The following BANP variants were observed in gnomAD, a reference collection of about 807,000 sequenced individuals.
BANP encodes protein BANP.
A neutral mutation model predicts 68.1 loss-of-function variants in BANP; 11 were observed. The observed-to-expected ratio is 0.16, with a 90% CI of 0.10 to 0.27. BANP has a LOEUF of 0.27. Ranked by LOEUF, BANP falls within the 10% of genes least tolerant of loss-of-function variation. The pLI is 1.00. For missense variants in BANP, 504 were observed against 722.7 expected (o/e 0.70, Z 3.47); for synonymous variants, 329 against 303.2 (o/e 1.09, Z -0.88).
At chr16:88,058,505 C>G (rs2085755076) in intron 11 of BANP, among the ~76,000 whole-genome samples, 1 of 152,174 alleles carries the variant, frequency 6.6e-6, no homozygotes, top group Non-Finnish European at 1.5e-5. Flanking sequence ...ATCCACAGAC[C>G]AGAGCTTCGG....
At position 88,065,291 on chromosome 16, in the gene BANP, T is replaced by A; in HGVS notation, c.1336T>A (p.Cys446Ser). The A allele has an allele frequency of 1.3e-6, 1 of 768,386 alleles. No homozygotes were observed. The highest frequency in any genetic ancestry group is 2.4e-6 in the Non-Finnish European group (1 of 417,568). The allele number at this position is 768,386 out of a possible 1,614,324, so 47.6% of individuals were successfully genotyped here. The change falls in exon 12 of 14, where the codon TGC becomes AGC. Residue 446 changes from cysteine (C) to serine (S), a missense_variant. Around this residue, in one of 3 missense-constraint regions of BANP, gnomAD observed 223 missense variants for 246.2 expected, o/e 0.91. Coordinates refer to ENST00000682872, the MANE Select transcript of BANP (RefSeq NM_001386991.1). ...GCTTCTAGAGGCCACCCGCATCCCC[T>A]GCCTCCTGGCCCCATCCGTCTTCAA... ...GQLLEATRIP[C>S]LLAPSVFKAS...
At position 87,992,558 on chromosome 16, in the gene BANP, C is replaced by G. The variant is rs112253149; in HGVS notation, c.362+8299C>G. Among the ~76,000 whole-genome samples, 1,129 of 152,184 alleles carry G rather than the reference C, an allele frequency of 7.4e-3. 18 individuals carry two copies. The highest frequency in any genetic ancestry group is 0.026 in the African/African-American group (1,066 of 41,508). On this transcript the variant is annotated intron_variant, in intron 4 of 13. Transcript: ENST00000682872. ...CCTATAATCCCAGCACTTTGGGAGG[C>G]TGAGGAGGGTGGATCACCTGAAGTC...
In BANP at chr16:87,969,716, T is replaced by G. The variant is rs1363647129; in HGVS notation, c.-68-5332T>G. On this transcript the variant is annotated intron_variant, in intron 1 of 13. Coordinates refer to ENST00000682872, the MANE Select transcript of BANP (RefSeq NM_001386991.1). ...CCCGTCTAATTTTTTGTATCTTTAG[T>G]AGAGACGGGCTTTCACCATGTTGGC... 6.6e-5 allele frequency among the ~76,000 whole-genome samples: 10 copies of G among 151,894 alleles called. No homozygotes were observed. The South Asian group carries it at 1.5e-3, about 22-fold the overall frequency.
At chr16:87,992,411 T>C (rs2152500957) in intron 4 of BANP, among the ~76,000 whole-genome samples, 1 of 152,328 alleles carries the variant, frequency 6.6e-6, no homozygotes, top group South Asian at 2.1e-4. Context: ...TGAAAATGTT[T>C]CTGTGAGATT....
In BANP at chr16:88,003,065, G is replaced by T. The variant is rs1267886520; in HGVS notation, c.363-1230G>T. Among the ~76,000 whole-genome samples, 1 of 152,196 alleles carries T rather than the reference G, an allele frequency of 6.6e-6. No homozygotes were observed. The highest frequency in any genetic ancestry group is 2.1e-4 in the South Asian group (1 of 4,828). On this transcript the variant is annotated intron_variant, in intron 4 of 13. Transcript: ENST00000682872. This position sits in a 1 kb window ranked among gnomAD's most constrained non-coding sequence, Gnocchi z 6.1. ...CTCTCCAGTTCTACATCTCTGAGGA[G>T]CATAGGACTGTCACAGCCTGTAGGT...
intron 11 of BANP, among the ~76,000 whole-genome samples, chr16:88,040,235 G>A (rs72818533): frequency 0.19 from 28,244 of 149,370 alleles, 3,283 homozygotes; most frequent in South Asian, 0.29. Context: ...GAACCCCCTC[G>A]TTTTCCATTT....
chr16:87,961,835 C>T (rs1022251938), intron 1 of BANP, among the ~76,000 whole-genome samples: 8 of 152,186 alleles, frequency 5.3e-5, no homozygotes, highest in East Asian at 3.9e-4. Flanking sequence ...CATGACAGGG[C>T]GTCTGTTATA....
intron 11 of BANP, among the ~76,000 whole-genome samples, chr16:88,049,822 C>T (rs559116191): frequency 2.0e-5 from 3 of 152,308 alleles, no homozygotes; most frequent in Non-Finnish European, 4.4e-5. Context: ...ACACGGCATC[C>T]GACGAACACC....
chr16:88,034,609 C>CTGCT (rs143439910), intron 9 of BANP, among the ~76,000 whole-genome samples: 150,479 of 152,238 alleles, frequency 0.99, 74,385 homozygotes, highest in South Asian at 1. Flanking sequence ...CAGCCACACA[C>CTGCT]TGCGTAGCCT....
intron 9 of BANP, among the ~76,000 whole-genome samples, chr16:88,033,774 G>C (rs1349731095): frequency 6.6e-6 from 1 of 152,210 alleles, no homozygotes; most frequent in Non-Finnish European, 1.5e-5. Context: ...TGCCCGTGCG[G>C]AGTTCTCTAT....
chr16:88,065,446 C>T, intron 12 of BANP, 114 bp downstream of exon 12: 1 of 622,576 alleles, frequency 1.6e-6, no homozygotes, highest in Non-Finnish European at 2.9e-6. Flanking sequence ...GTCATCTCAC[C>T]ACGTGAGGGT....
intron 5 of BANP, among the ~76,000 whole-genome samples, chr16:88,005,184 G>T (rs1598356695): frequency 1.3e-5 from 2 of 152,174 alleles, no homozygotes; most frequent in South Asian, 2.1e-4. Context: ...AGAGGAGTTG[G>T]TGATGGGCGG....
chr16:87,991,387 T>C (rs1033415479), intron 4 of BANP, among the ~76,000 whole-genome samples: 5 of 152,266 alleles, frequency 3.3e-5, no homozygotes, highest in Non-Finnish European at 5.9e-5. Flanking sequence ...AATGTTGTAA[T>C]GATTATGCAC....
At chr16:88,032,514 C>G (rs936175650) in intron 8 of BANP, among the ~76,000 whole-genome samples, 1 of 152,120 alleles carries the variant, frequency 6.6e-6, no homozygotes, top group African/African-American at 2.4e-5. Context: ...CATTTTTATG[C>G]TTAAAAGCTT....
At chr16:87,966,366 G>C (rs1013584452) in intron 1 of BANP, among the ~76,000 whole-genome samples, 2 of 152,226 alleles carry the variant, frequency 1.3e-5, no homozygotes, top group Non-Finnish European at 2.9e-5. Flanking sequence ...TCTCAGTCCA[G>C]CTGTTTTATT....
At position 88,064,303 on chromosome 16, in the gene BANP, G is replaced by C. The variant is rs906471426; in HGVS notation, c.1312-964G>C. ...TGGCAGCGCTCCCAGCACCCTGTGCGTCCCTTGCACCCTTGCCCTGTGGTC... is the reference window on the plus strand; with the variant it reads ...TGGCAGCGCTCCCAGCACCCTGTGCCTCCCTTGCACCCTTGCCCTGTGGTC... On this transcript the variant is annotated intron_variant, in intron 11 of 13. Transcript: ENST00000682872. This position sits in a 1 kb window ranked among gnomAD's most constrained non-coding sequence, Gnocchi z 4.5. Among the ~76,000 whole-genome samples the C allele has an allele frequency of 1.3e-5, 2 of 152,226 alleles. No homozygotes were observed. The highest frequency in any genetic ancestry group is 1.3e-4 in the Admixed American group (2 of 15,286).
At chr16:87,962,014 T>C (rs1488280029) in intron 1 of BANP, among the ~76,000 whole-genome samples, 1 of 151,884 alleles carries the variant, frequency 6.6e-6, no homozygotes, top group Non-Finnish European at 1.5e-5. Flanking sequence ...ATGAGGTGGG[T>C]GGATTACCTG....
In BANP at chr16:88,076,893, A is replaced by AG; in HGVS notation, c.*236dup. ...GTCCTGCTGTTGGTGTCGGAGCACGAGGGGAGGCACGGTGCGGAGAGCGTC... is the reference window on the plus strand; with the variant it reads ...GTCCTGCTGTTGGTGTCGGAGCACGAGGGGGAGGCACGGTGCGGAGAGCGTC... On this transcript the variant is annotated 3_prime_UTR_variant, in exon 14 of 14. Coordinates refer to ENST00000682872, the MANE Select transcript of BANP (RefSeq NM_001386991.1). 1.9e-6 allele frequency: 1 copy of AG among 536,690 alleles called. No homozygotes were observed. The highest frequency in any genetic ancestry group is 1.9e-5 in the African/African-American group (1 of 52,044). The allele number at this position is 536,690 out of a possible 1,614,324, so 33.2% of individuals were successfully genotyped here.
At chr16:88,014,600 C>G (rs946456188) in intron 6 of BANP, among the ~76,000 whole-genome samples, 3 of 152,092 alleles carry the variant, frequency 2.0e-5, no homozygotes, top group African/African-American at 7.2e-5. Flanking sequence ...TGTTTGAGCA[C>G]TGTTAATTCC....
Sources: gnomAD v4.1 joint callset for allele counts (sites outside exome capture counted in the v4.1 genomes callset) on GRCh38, gnomAD v4.1.1 for gene constraint, gnomAD v4.1.1 regional missense constraint, Gnocchi (gnomAD v3.1) non-coding constraint, MANE v1.5 for transcripts, NCBI Gene and HGNC (gene_info 2026-07-23, HGNC 2026-07-21) for gene names.